ZNF518A: variants seen among roughly 807,000 people sequenced by gnomAD.
ZNF518A encodes zinc finger protein 518.
ZNF518A carries 47 observed loss-of-function variants against 102.7 expected under a neutral mutation model. The observed-to-expected ratio is 0.46, with a 90% CI of 0.36 to 0.58. ZNF518A has a LOEUF of 0.58. Among genes scored for constraint, ZNF518A ranks in the 20% least tolerant of loss-of-function variants. The probability of loss-of-function intolerance (pLI) is 0.00; values close to 1 mark genes in which losing one functional copy is unlikely to be tolerated. For synonymous variants in ZNF518A, 652 were observed against 594.6 expected (o/e 1.10, Z -1.40); for missense variants, 1,793 against 1,699.8 (o/e 1.05, Z -0.96).
At chr10:96,184,687 G>A (rs2083260541) in intron 1 of ZNF518A, among the ~76,000 whole-genome samples, 1 of 152,170 alleles carries the variant, frequency 6.6e-6, no homozygotes, top group African/African-American at 2.4e-5. Flanking sequence ...AGTCTGATGG[G>A]CATCCCTTTG....
At position 96,200,150 on chromosome 10, in the gene ZNF518A, G is replaced by A. The variant is rs375535673; in HGVS notation, n.36-3424G>A. 5.9e-5 allele frequency: 95 copies of A among 1,613,802 alleles called. No individual in the cohort carries two copies. The highest frequency in any genetic ancestry group is 1.6e-4 in the Middle Eastern group (1 of 6,084). On this transcript the variant is annotated intron_variant and non_coding_transcript_variant, in intron 1 of 2. Transcript: ENST00000442635. This position sits in a 1 kb window ranked among gnomAD's most constrained non-coding sequence, Gnocchi z 4.3. ...CAGCATACCATGGCTTGCAGAGAAC[G>A]CCAGCTTCCTGTGAAATGGAGGGCA...
At chr10:96,175,722 T>C (rs142531639) in intron 1 of ZNF518A, among the ~76,000 whole-genome samples, 5 of 152,326 alleles carry the variant, frequency 3.3e-5, no homozygotes, top group African/African-American at 1.2e-4. Context: ...GAGTTCCATG[T>C]TGGGCAAAAA....
intron 1 of ZNF518A, among the ~76,000 whole-genome samples, chr10:96,180,471 T>A (rs2083233366): frequency 6.6e-6 from 1 of 152,038 alleles, no homozygotes; most frequent in Non-Finnish European, 1.5e-5. Flanking sequence ...CATTAGGTAT[T>A]TCTCCTAATG....
intron 1 of ZNF518A, among the ~76,000 whole-genome samples, chr10:96,202,605 T>G (rs1301835869): frequency 3.3e-5 from 5 of 152,046 alleles, no homozygotes; most frequent in African/African-American, 1.2e-4. Context: ...CAGCCACCAT[T>G]GTAAGAGGAG....
At position 96,158,978 on chromosome 10, in the gene ZNF518A, A is replaced by G; in HGVS notation, c.2656A>G (p.Thr886Ala). 6.2e-7 allele frequency: 1 copy of G among 1,613,668 alleles called. No homozygotes were observed. The highest frequency in any genetic ancestry group is 8.5e-7 in the Non-Finnish European group (1 of 1,179,730). The change falls in exon 6 of 6, where the codon ACA (threonine) becomes GCA (alanine). Residue 886 changes from threonine (T) to alanine (A), a missense_variant. By Grantham distance (58) the Thr-to-Ala change is moderately conservative. This residue lies in a region of ZNF518A where 1,741 missense variants were observed against 1,622.6 expected (regional missense o/e 1.07). Coordinates refer to ENST00000316045, the MANE Select transcript of ZNF518A (RefSeq NM_001330736.2). The stretch of plus-strand genomic sequence containing the variant: ...GATGCCTAGAATTTCAGGTTTTGGC[A>G]CATTACTTAAGACTCAGTCAGATGC... ...EKMPRISGFGTLLKTQSDAII... is the reference protein window; with the variant it reads ...EKMPRISGFGALLKTQSDAII...
At chr10:96,169,833 T>A (rs1486404984) in intron 1 of ZNF518A, among the ~76,000 whole-genome samples, 1 of 152,246 alleles carries the variant, frequency 6.6e-6, no homozygotes, top group African/African-American at 2.4e-5. Context: ...CCGTGTTTTG[T>A]ACTTGTTGTC....
In ZNF518A at chr10:96,159,986, A is replaced by C. The variant is rs782065252; in HGVS notation, c.3664A>C (p.Ile1222Leu). Residue 1222 changes from isoleucine to leucine, a missense_variant, in exon 6 of 6, where the codon ATA becomes CTA. This residue lies in a region of ZNF518A where 1,741 missense variants were observed against 1,622.6 expected (regional missense o/e 1.07). Transcript: ENST00000316045. Reference protein sequence around the residue: ...ATCPESSEEPICVSDCSESRV... With the variant: ...ATCPESSEEPLCVSDCSESRV... ...ATGCCCAGAATCTTCTGAGGAACCA[A>C]TATGTGTCAGTGACTGTTCAGAGTC... is the stretch of plus-strand genomic sequence containing the variant. The C allele has an allele frequency of 5.0e-6, 8 of 1,613,498 alleles. No homozygotes were observed. Among genetic ancestry groups the C allele is most frequent in the Middle Eastern group, 1.6e-4 (1 of 6,082 alleles).
intron 1 of ZNF518A, among the ~76,000 whole-genome samples, chr10:96,179,982 G>A (rs1591277530): frequency 6.7e-6 from 1 of 150,296 alleles, no homozygotes; most frequent in African/African-American, 2.5e-5. Context: ...GGGTTCAAGC[G>A]ATTCTCCTTA....
In ZNF518A at chr10:96,182,389, A is replaced by T. The variant is rs1173846884; in HGVS notation, n.36-21185A>T. On this transcript the variant is annotated intron_variant and non_coding_transcript_variant, in intron 1 of 2. Transcript: ENST00000442635. ...ATGTTGAATAGGAGTGGTGAGAAAG[A>T]GGGCATCCCTGTCTTGTGCCAGTTT... 2.0e-5 allele frequency among the ~76,000 whole-genome samples: 3 copies of T among 152,314 alleles called. No homozygotes were observed. In the East Asian group the frequency reaches 5.8e-4, roughly 29 times the overall value.
chr10:96,200,034 T>G lies in ZNF518A; in HGVS notation n.36-3540T>G. The G allele has an allele frequency of 7.8e-7, 1 of 1,287,056 alleles. No homozygotes were observed. The highest frequency in any genetic ancestry group is 1.0e-6 in the Non-Finnish European group (1 of 989,212). The allele number at this position is 1,287,056 out of a possible 1,614,324, so 79.7% of individuals were successfully genotyped here. A position where few individuals can be genotyped will look rare whatever the true frequency, so the allele number is the denominator to read the frequency against. ...ATCATCTCAAAACAAATAAATAAAA[T>G]AAAATAAAATAAAAATAATAAATAA... On this transcript the variant is annotated intron_variant and non_coding_transcript_variant, in intron 1 of 2. Transcript: ENST00000442635. The surrounding 1 kb of genome is among the most constrained non-coding windows in gnomAD (Gnocchi z 4.3).
intron 1 of ZNF518A, among the ~76,000 whole-genome samples, chr10:96,176,213 C>T (rs2083203934): frequency 6.6e-6 from 1 of 152,028 alleles, no homozygotes; most frequent in African/African-American, 2.4e-5. Flanking sequence ...TAGATGTGAG[C>T]CACTACACTC....
At chr10:96,184,784 G>C (rs587712606) in intron 1 of ZNF518A, among the ~76,000 whole-genome samples, 1 of 152,102 alleles carries the variant, frequency 6.6e-6, no homozygotes, top group African/African-American at 2.4e-5. Context: ...TGTGTCTTGG[G>C]GTTGCTCTTC....
downstream of ZNF518A, chr10:96,204,356 A>C: frequency 1.3e-6 from 1 of 785,288 alleles, no homozygotes; most frequent in Non-Finnish European, 2.1e-6. Context: ...GGTCTCTGCA[A>C]CTCTACACAG....
rs1198012223 is a variant in ZNF518A, at chr10:96,130,584, G to C, written c.-621G>C. The C allele has an allele frequency of 2.0e-5, 3 of 152,394 alleles. No individual in the cohort carries two copies. Among genetic ancestry groups the C allele is most frequent in the Non-Finnish European group, 4.4e-5 (3 of 68,186 alleles). The allele number at this position is 152,394 out of a possible 1,614,324, so 9.4% of individuals were successfully genotyped here. ...CACTCACTCGGCGGGTTTCGTGGTTGGTGGAGACAGCAAGGGCGCCCCGCA... is the reference window on the plus strand; with the variant it reads ...CACTCACTCGGCGGGTTTCGTGGTTCGTGGAGACAGCAAGGGCGCCCCGCA... On this transcript the variant is annotated 5_prime_UTR_variant, in exon 1 of 6. Coordinates refer to ENST00000316045, the MANE Select transcript of ZNF518A (RefSeq NM_001330736.2).
At chr10:96,177,663 T>C (rs2083213770) in intron 1 of ZNF518A, among the ~76,000 whole-genome samples, 1 of 152,054 alleles carries the variant, frequency 6.6e-6, no homozygotes, top group Non-Finnish European at 1.5e-5. Context: ...GTAAAAAACA[T>C]GTAATTACTA....
At chr10:96,148,703 C>T (rs2082286080) in intron 3 of ZNF518A, among the ~76,000 whole-genome samples, 1 of 152,158 alleles carries the variant, frequency 6.6e-6, no homozygotes, top group Non-Finnish European at 1.5e-5. Flanking sequence ...CCCAGTGCTT[C>T]TCCAACTAGT....
intron 1 of ZNF518A, among the ~76,000 whole-genome samples, chr10:96,179,610 A>G (rs1183684349): frequency 6.6e-6 from 1 of 152,182 alleles, no homozygotes; most frequent in Non-Finnish European, 1.5e-5. Flanking sequence ...ACCCAGGATT[A>G]TACTCCTAGA....
chr10:96,185,628 AC>A (rs1462073978), intron 1 of ZNF518A, among the ~76,000 whole-genome samples: 1 of 152,184 alleles, frequency 6.6e-6, no homozygotes, highest in Non-Finnish European at 1.5e-5. Flanking sequence ...CCTGGGTATC[AC>A]CAGCAGAGGC....
downstream of ZNF518A, among the ~76,000 whole-genome samples, chr10:96,167,684 G>A (rs1471706880): frequency 6.6e-6 from 1 of 152,082 alleles, no homozygotes; most frequent in Non-Finnish European, 1.5e-5. Flanking sequence ...CAGATTGATA[G>A]AGGATATGCA....
Sources: gnomAD v4.1 joint callset for allele counts (sites outside exome capture counted in the v4.1 genomes callset) on GRCh38, gnomAD v4.1.1 for gene constraint, gnomAD v4.1.1 regional missense constraint, Gnocchi (gnomAD v3.1) non-coding constraint, MANE v1.5 for transcripts, NCBI Gene and HGNC (gene_info 2026-07-23, HGNC 2026-07-21) for gene names.